Variants in PTPRT observed in about 807,000 individuals in gnomAD.
PTPRT encodes the protein receptor-type tyrosine-protein phosphatase T.
In PTPRT, 56 loss-of-function variants were observed where a neutral mutation model predicts 176.8. The observed-to-expected ratio is 0.32, with a 90% CI of 0.26 to 0.40. The LOEUF (loss-of-function observed/expected upper bound fraction) is 0.40, where lower values mean the gene tolerates loss of function less well. Among genes scored for constraint, PTPRT ranks in the 10% least tolerant of loss-of-function variants. The pLI is 1.00. For missense variants in PTPRT, 1,540 were observed against 1,908.2 expected, an observed-to-expected ratio of 0.81 and a Z score of 3.60; for synonymous variants, 783 against 739.0, an observed-to-expected ratio of 1.06 and a Z score of -0.96.
At chr20:42,574,903 C>G (rs369878564) in intron 7 of PTPRT, among the ~76,000 whole-genome samples, 4 of 152,216 alleles carry the variant, frequency 2.6e-5, no homozygotes, top group East Asian at 1.9e-4. Context: ...TCTCTCCTGC[C>G]ATCCTGCCAT....
At chr20:42,569,315 T>G (rs1259303966) in intron 7 of PTPRT, among the ~76,000 whole-genome samples, 1 of 151,740 alleles carries the variant, frequency 6.6e-6, no homozygotes. Flanking sequence ...CCCAATAGAC[T>G]GCAAGCCATT....
intron 1 of PTPRT, among the ~76,000 whole-genome samples, chr20:43,099,714 C>T (rs1194100183): frequency 2.0e-5 from 3 of 152,186 alleles, no homozygotes; most frequent in Non-Finnish European, 2.9e-5. Context: ...TCCAATCCTG[C>T]CAGTCTTTCA....
chr20:43,083,320 GTATATATA>G (rs779087395), intron 1 of PTPRT, among the ~76,000 whole-genome samples: 11,077 of 37,388 alleles, frequency 0.3, 2,186 homozygotes, highest in East Asian at 0.54. Flanking sequence ...CACTTCAAAT[GTATATATA>G]TATATATATA....
chr20:43,180,019 G>C (rs571667660), intron 1 of PTPRT, among the ~76,000 whole-genome samples: 5 of 152,312 alleles, frequency 3.3e-5, no homozygotes, highest in Admixed American at 2.6e-4. Context: ...CATTTGCACT[G>C]GTCAACTGAG....
intron 9 of PTPRT, among the ~76,000 whole-genome samples, chr20:42,361,360 C>T (rs1243593489): frequency 1.3e-5 from 2 of 152,116 alleles, no homozygotes; most frequent in African/African-American, 4.8e-5. Flanking sequence ...TAGAAAATAG[C>T]CCATATCCTT....
At chr20:43,045,554 A>C (rs2146221231) in intron 1 of PTPRT, among the ~76,000 whole-genome samples, 1 of 149,660 alleles carries the variant, frequency 6.7e-6, no homozygotes, top group African/African-American at 2.5e-5. Context: ...CCTGGGCTCA[A>C]GTGATCCTCC....
At chr20:42,483,403 A>AAC (rs2071418211) in intron 7 of PTPRT, among the ~76,000 whole-genome samples, 1 of 152,202 alleles carries the variant, frequency 6.6e-6, no homozygotes, top group Non-Finnish European at 1.5e-5. Context: ...AACTCAAGTG[A>AAC]TCCACCCGCC....
At chr20:42,537,666 T>C (rs569740689) in intron 7 of PTPRT, among the ~76,000 whole-genome samples, 20 of 152,306 alleles carry the variant, frequency 1.3e-4, no homozygotes, top group Admixed American at 2.0e-4. Context: ...CTGAGCACTG[T>C]GTATGTCCCA....
At chr20:42,362,103 A>G (rs552111421) in intron 9 of PTPRT, among the ~76,000 whole-genome samples, 1 of 151,946 alleles carries the variant, frequency 6.6e-6, no homozygotes, top group Non-Finnish European at 1.5e-5. Flanking sequence ...TCCACAAAAA[A>G]TTTTTTTTAA....
At chr20:42,134,749 C>G (rs1173040041) in intron 18 of PTPRT, among the ~76,000 whole-genome samples, 1 of 152,174 alleles carries the variant, frequency 6.6e-6, no homozygotes, top group African/African-American at 2.4e-5. Flanking sequence ...ATAGCATCAA[C>G]CACCTCACAA....
In PTPRT at chr20:42,084,733, T is replaced by A; in HGVS notation, c.4085A>T (p.Lys1362Met). The change falls in exon 29 of 31, where the codon AAG becomes ATG. Residue 1362 changes from lysine to methionine, a missense_variant. Coordinates refer to ENST00000373187, the MANE Select transcript of PTPRT (RefSeq NM_007050.6). ...SLLKVVRRLE[K>M]WQEQYDGREG... ...CCTCCCGTCATACTGCTCCTGCCAC[T>A]TCTCCAGTCGTCGGACCACTTTGAG... The A allele has an allele frequency of 6.4e-7, 1 of 1,569,640 alleles. No individual in the cohort carries two copies. Among genetic ancestry groups the A allele is most frequent in the Non-Finnish European group, 8.7e-7 (1 of 1,154,876 alleles).
In PTPRT at chr20:42,282,533, C is replaced by A; in HGVS notation, c.2140-8G>T. The A allele has an allele frequency of 6.9e-6, 11 of 1,604,952 alleles. No individual in the cohort carries two copies. Among genetic ancestry groups the A allele is most frequent in the South Asian group, 1.1e-5 (1 of 89,242 alleles). On this transcript the variant is annotated splice_polypyrimidine_tract_variant and splice_region_variant and intron_variant, in intron 12 of 30. Coordinates refer to ENST00000373187, the MANE Select transcript of PTPRT (RefSeq NM_007050.6). ...ACAGTTGATTTTGGTCTCCTGTGAA[C>A]AACAAAAATGAGATGCCAATTAATT...
rs563003264 is a variant in PTPRT at position 43,103,273 on chromosome 20, C to T, written c.88+86373G>A. Among the ~76,000 whole-genome samples the T allele has an allele frequency of 3.9e-5, 6 of 152,290 alleles. No homozygotes were observed. The South Asian group carries it at 1.2e-3, about 32-fold the overall frequency. The stretch of plus-strand genomic sequence containing the variant: ...CTCCCCAACCCAACACCTCCAGGTC[C>T]CACCTTCCTCCAAAATCATGGGTGG... On this transcript the variant is annotated intron_variant, in intron 1 of 30. Coordinates refer to ENST00000373187, the MANE Select transcript of PTPRT (RefSeq NM_007050.6).
intron 13 of PTPRT, among the ~76,000 whole-genome samples, chr20:42,263,483 T>A (rs2056788303): frequency 6.9e-6 from 1 of 145,410 alleles, no homozygotes; most frequent in South Asian, 2.2e-4. Context: ...CGGCTTCAAG[T>A]GATTCTCCTG....
At position 42,273,026 on chromosome 20, in the gene PTPRT, C is replaced by T. The variant is rs77011982; in HGVS notation, c.2176+9463G>A. On this transcript the variant is annotated intron_variant, in intron 13 of 30. Coordinates refer to ENST00000373187, the MANE Select transcript of PTPRT (RefSeq NM_007050.6). ...CATACCCTAAGTTGATTTATGTCTC[C>T]CTTCTTGCCCACCAGTGACATCCTG... Among the ~76,000 whole-genome samples the T allele has an allele frequency of 7.2e-5, 11 of 152,278 alleles. No homozygotes were observed. In the East Asian group the frequency reaches 2.1e-3, roughly 29 times the overall value.
At position 43,085,091 on chromosome 20, in the gene PTPRT, C is replaced by T. The variant is rs527389089; in HGVS notation, c.88+104555G>A. 1.7e-3 allele frequency among the ~76,000 whole-genome samples: 265 copies of T among 152,284 alleles called. 2 individuals are homozygous for T. The highest frequency in any genetic ancestry group is 6.2e-3 in the African/African-American group (259 of 41,556). On this transcript the variant is annotated intron_variant, in intron 1 of 30. Transcript: ENST00000373187. Reference sequence around the variant, plus strand: ...TTGAATTACTGAAGAAATTACTTGCCTCCAGATTGACTCGCAGGGTAACTG... The same window carrying T: ...TTGAATTACTGAAGAAATTACTTGCTTCCAGATTGACTCGCAGGGTAACTG...
In PTPRT at chr20:42,081,946, A is replaced by C; in HGVS notation, c.4208T>G (p.Ile1403Ser). 1 of 1,614,218 alleles carries C rather than the reference A, an allele frequency of 6.2e-7. No homozygotes were observed. The highest frequency in any genetic ancestry group is 8.5e-7 in the Non-Finnish European group (1 of 1,180,038). ...TTTCACGATGTGGAACACGTCAATG[A>C]TGTTTTGCTGCTGGATCATCTCACA... is the stretch of plus-strand genomic sequence containing the variant. ...SVCEMIQQQN[I>S]IDVFHIVKTL... Residue 1403 changes from isoleucine (I) to serine (S), a missense_variant, in exon 30 of 31, where the codon ATC becomes AGC. Physicochemically the swap from Ile to Ser is moderately radical, Grantham distance 142. Transcript: ENST00000373187.
At chr20:42,091,803 G>A (rs1442626337) in intron 27 of PTPRT, among the ~76,000 whole-genome samples, 2 of 152,156 alleles carry the variant, frequency 1.3e-5, no homozygotes, top group African/African-American at 2.4e-5. Flanking sequence ...GAGGGAGAGA[G>A]AGGGGGGAGA....
At chr20:42,662,951 T>TTGAGA (rs1382084732) in intron 7 of PTPRT, among the ~76,000 whole-genome samples, 1 of 150,426 alleles carries the variant, frequency 6.6e-6, no homozygotes, top group African/African-American at 2.5e-5. Flanking sequence ...ACCCACAGTC[T>TTGAGA]CAATACCTGA....
Sources: allele counts gnomAD v4.1 joint callset (sites outside exome capture counted in the v4.1 genomes callset), GRCh38; gene constraint gnomAD v4.1.1; transcripts MANE v1.5; gene names NCBI Gene and HGNC (gene_info 2026-07-23, HGNC 2026-07-21).